Variants in OGFR observed in about 807,000 individuals in gnomAD.
OGFR encodes protein 7-60.
A neutral mutation model predicts 33.6 loss-of-function variants in OGFR; 18 were observed. The observed-to-expected ratio is 0.54, with a 90% CI of 0.37 to 0.80. The LOEUF (loss-of-function observed/expected upper bound fraction) is 0.80. OGFR is among the 30% of genes least tolerant of loss of function. The pLI, the probability that OGFR is intolerant of heterozygous loss-of-function variation, is 0.00. For synonymous variants in OGFR, 370 were observed against 400.7 expected (o/e 0.92, Z 0.91); for missense variants, 877 against 955.8 (o/e 0.92, Z 1.09).
chr20:62,805,152 C>T (rs952316179), intron 1 of OGFR, 122 bp downstream of exon 1: 19 of 711,716 alleles, frequency 2.7e-5, no homozygotes, highest in Middle Eastern at 4.6e-4. Flanking sequence ...CCCGCAGCCC[C>T]GGGGACCCCC....
intron 3 of OGFR, 78 bp from the exon 4 acceptor site, chr20:62,809,507 G>A: frequency 1.9e-6 from 2 of 1,070,660 alleles, no homozygotes; most frequent in Middle Eastern, 2.0e-4. Flanking sequence ...CTCTCCTTAT[G>A]TCCCCCACCC....
Position 62,813,726 on chromosome 20 carries a change from T to A in OGFR, c.*77T>A. On this transcript the variant is annotated 3_prime_UTR_variant, in exon 7 of 7. Coordinates refer to ENST00000290291, the MANE Select transcript of OGFR (RefSeq NM_007346.4). The stretch of plus-strand genomic sequence containing the variant: ...TGGGGCCTCCGGAGCTGCTGCGGGC[T>A]CCCCTCAGGCTCTGCTTCGTGACCC... The A allele has an allele frequency of 6.5e-7, 1 of 1,533,992 alleles. No individual in the cohort carries two copies. The highest frequency in any genetic ancestry group is 9.0e-7 in the Non-Finnish European group (1 of 1,112,122).
Position 62,808,125 on chromosome 20 carries a change from G to A in OGFR, c.241-122G>A, listed in dbSNP as rs141356430. 1,400 of 800,544 alleles carry A rather than the reference G, an allele frequency of 1.7e-3. 8 individuals are homozygous for A. The African/African-American group carries it at 0.02, about 11-fold the overall frequency. 49.6% of individuals were successfully genotyped at this position (800,544 alleles called of 1,614,324 possible). ...CCACCTGCAGAGTGAGGAGCCAGGC[G>A]GGCTCTTGGGGTATTGGGCCAGCCT... On this transcript the variant is annotated intron_variant, in intron 2 of 6. Coordinates refer to ENST00000290291, the MANE Select transcript of OGFR (RefSeq NM_007346.4).
Position 62,812,736 on chromosome 20 carries a change from C to T in OGFR, c.1121C>T (p.Pro374Leu), listed in dbSNP as rs374043529. ...DEAGGHGEDRPEPLSPKESKK... is the reference protein window; with the variant it reads ...DEAGGHGEDRLEPLSPKESKK... ...GCAGGGGGCCACGGGGAAGATAGGC[C>T]GGAGCCCTTAAGCCCCAAAGAGAGC... Residue 374 changes from proline to leucine, a missense_variant, in exon 7 of 7, where the codon CCG becomes CTG. Around this residue, in one of 3 missense-constraint regions of OGFR, gnomAD observed 760 missense variants for 736.0 expected, o/e 1.03. Transcript: ENST00000290291. 1.2e-4 allele frequency: 199 copies of T among 1,604,064 alleles called. No individual in the cohort carries two copies. Among genetic ancestry groups the T allele is most frequent in the Non-Finnish European group, 1.5e-4 (177 of 1,175,826 alleles).
intron 1 of OGFR, chr20:62,806,480 C>G (rs763445810): frequency 4.0e-5 from 6 of 150,980 alleles, no homozygotes; most frequent in Non-Finnish European, 5.9e-5. Flanking sequence ...GTGGAGGTTG[C>G]AGTGAGTGGA....
chr20:62,809,157 C>T (rs75568588), intron 3 of OGFR, among the ~76,000 whole-genome samples: 7,510 of 152,302 alleles, frequency 0.049, 275 homozygotes, highest in Middle Eastern at 0.14. Flanking sequence ...AGGCCCCCAT[C>T]TCAGGAGACT....
chr20:62,812,899 C>T lies in OGFR; in HGVS notation c.1284C>T (p.Thr428=). 1.2e-6 allele frequency: 2 copies of T among 1,612,466 alleles called. No homozygotes were observed. The highest frequency in any genetic ancestry group is 1.7e-6 in the Non-Finnish European group (2 of 1,179,884). ...GCCAGGGCAGCCTCAGGACGGGGAC[C>T]CAGGAAGTGGGCGGTCAGGACCCTG... ...ALSQGSLRTG[T]QEVGGQDPGE... is the part of the protein sequence containing the mutation. Residue 428 remains threonine, a synonymous_variant, in exon 7 of 7, where the codon ACC becomes ACT. Transcript: ENST00000290291.
Position 62,812,863 on chromosome 20 carries a change from G to T in OGFR, c.1248G>T (p.Gly416=). 1 of 1,612,714 alleles carries T rather than the reference G, an allele frequency of 6.2e-7. No homozygotes were observed. The highest frequency in any genetic ancestry group is 8.5e-7 in the Non-Finnish European group (1 of 1,179,942). The change falls in exon 7 of 7, where the codon GGG becomes GGT. Residue 416 remains glycine (G), a synonymous_variant. Transcript: ENST00000290291. The part of the protein sequence containing the change: ...EVEKIALNLE[G]CALSQGSLRT... The stretch of plus-strand genomic sequence containing the variant: ...AGAAGATCGCTCTGAATTTGGAGGG[G>T]TGTGCCCTCAGCCAGGGCAGCCTCA...
Position 62,813,592 on chromosome 20 carries a change from GGCA to G in OGFR, c.1982_1984del (p.Ala661del), listed in dbSNP as rs1990801661. On this transcript the variant is annotated inframe_deletion, in exon 7 of 7. Coordinates refer to ENST00000290291, the MANE Select transcript of OGFR (RefSeq NM_007346.4). Reference sequence around the variant, plus strand: ...GGGATGAGCCAGCCAAGGCGGGGGAGGCAGCAGAGTTGCAGGACGCAGAGGTGG... The same window carrying G: ...GGGATGAGCCAGCCAAGGCGGGGGAGGCAGAGTTGCAGGACGCAGAGGTGG... 6.2e-7 allele frequency: 1 copy of G among 1,612,800 alleles called. No individual in the cohort carries two copies. The highest frequency in any genetic ancestry group is 1.7e-5 in the Admixed American group (1 of 60,006).
chr20:62,811,654 CA>C (rs754692092), intron 6 of OGFR, 44 bp downstream of exon 6: 338 of 1,463,534 alleles, frequency 2.3e-4, no homozygotes, highest in Admixed American at 7.0e-4. Context: ...CGGCGCAGAA[CA>C]GGGCCACGTC....
chr20:62,804,985 C>CGAGGAGTCG lies in OGFR; in HGVS notation c.133_141dup (p.Ser45_Glu47dup). ...GGGACGCGGACGCAGGGGACGAGGA[C>CGAGGAGTCG]GAGGAGTCGGAGGAGCCGCGGGCGG... On this transcript the variant is annotated inframe_insertion, in exon 1 of 7. Coordinates refer to ENST00000290291, the MANE Select transcript of OGFR (RefSeq NM_007346.4). The CGAGGAGTCG allele has an allele frequency of 6.8e-7, 1 of 1,481,278 alleles. No individual in the cohort carries two copies. Among genetic ancestry groups the CGAGGAGTCG allele is most frequent in the Non-Finnish European group, 8.9e-7 (1 of 1,117,646 alleles). 91.8% of individuals were successfully genotyped at this position (1,481,278 alleles called of 1,614,324 possible). A position where few individuals can be genotyped will look rare whatever the true frequency, so the allele number is the denominator to read the frequency against.
chr20:62,809,050 T>C lies in OGFR; in HGVS notation c.320-535T>C, dbSNP rs142733215. On this transcript the variant is annotated intron_variant, in intron 3 of 6. Coordinates refer to ENST00000290291, the MANE Select transcript of OGFR (RefSeq NM_007346.4). Reference sequence around the variant, plus strand: ...ATATTATAAGAAATTAAAATTTCAGTGTCAATAAAGCTTCACGGGCACGTG... The same window carrying C: ...ATATTATAAGAAATTAAAATTTCAGCGTCAATAAAGCTTCACGGGCACGTG... 3.5e-3 allele frequency among the ~76,000 whole-genome samples: 519 copies of C among 149,574 alleles called. 1 individual carries two copies. The highest frequency in any genetic ancestry group is 0.012 in the African/African-American group (492 of 40,442).
In OGFR at chr20:62,808,269, A is replaced by G; in HGVS notation, c.263A>G (p.Asn88Ser). Reference protein sequence around the residue: ...NYPDLVERDCNGDTPNLSFYR... With the variant: ...NYPDLVERDCSGDTPNLSFYR... Reference sequence around the variant, plus strand: ...CAGGATCTGGTGGAACGAGACTGCAATGGGGACACGCCAAACCTGAGTTTC... The same window carrying G: ...CAGGATCTGGTGGAACGAGACTGCAGTGGGGACACGCCAAACCTGAGTTTC... The change falls in exon 3 of 7, where the codon AAT becomes AGT. Residue 88 changes from asparagine to serine, a missense_variant. Physicochemically the swap from Asn to Ser is conservative, Grantham distance 46 (BLOSUM62 1). This residue lies in a region of OGFR where 760 missense variants were observed against 736.0 expected (regional missense o/e 1.03). Coordinates refer to ENST00000290291, the MANE Select transcript of OGFR (RefSeq NM_007346.4). 1.2e-6 allele frequency: 2 copies of G among 1,613,416 alleles called. No individual in the cohort carries two copies. The highest frequency in any genetic ancestry group is 1.3e-5 in the African/African-American group (1 of 75,048).
At chr20:62,807,785 C>T (rs1990630536) in intron 2 of OGFR, 180 bp downstream of exon 2, 11 of 641,328 alleles carry the variant, frequency 1.7e-5, no homozygotes, top group South Asian at 3.9e-5. Flanking sequence ...CTTCCCCTCT[C>T]GCGGGAGACC....
rs1990813062 is a variant in OGFR, at chr20:62,813,921, G to GT, written c.*273dup. On this transcript the variant is annotated 3_prime_UTR_variant, in exon 7 of 7. Coordinates refer to ENST00000290291, the MANE Select transcript of OGFR (RefSeq NM_007346.4). ...GTCTTTGTAAATTGACCCTTCTGGA[G>GT]TGGGGGGCGGCGGGCAGGGCTGCTT... 1.8e-6 allele frequency: 1 copy of GT among 560,942 alleles called. No homozygotes were observed. Among genetic ancestry groups the GT allele is most frequent in the Non-Finnish European group, 3.2e-6 (1 of 316,188 alleles). The allele number at this position is 560,942 out of a possible 1,614,324, so 34.7% of individuals were successfully genotyped here. A position where few individuals can be genotyped will look rare whatever the true frequency, so the allele number is the denominator to read the frequency against.
chr20:62,812,599 G>T lies in OGFR; in HGVS notation c.984G>T (p.Arg328=). ...ACCACGAGGCCAGCACCCAGGGTCG[G>T]ACCTGTGGGCCAGAGCATAGCAAGG... is the stretch of plus-strand genomic sequence containing the variant. ...DPDHEASTQG[R]TCGPEHSKGG... The change falls in exon 7 of 7, where the codon CGG becomes CGT. Residue 328 remains arginine (R), a synonymous_variant. Transcript: ENST00000290291. 1 of 1,566,814 alleles carries T rather than the reference G, an allele frequency of 6.4e-7. No individual in the cohort carries two copies. Among genetic ancestry groups the T allele is most frequent in the Non-Finnish European group, 8.6e-7 (1 of 1,156,522 alleles).
At position 62,811,571 on chromosome 20, in the gene OGFR, G is replaced by A. The variant is rs1374053033; in HGVS notation, c.575G>A (p.Arg192Gln). ...GACCGAGGCACGGGCACGGTGGGCC[G>A]AGCACAGAACTACCAGAAGCGCTTC... ...LEDRGTGTVG[R>Q]AQNYQKRFQN... The change falls in exon 6 of 7, where the codon CGA becomes CAA. Residue 192 changes from arginine to glutamine, a missense_variant. Arg to Gln is a conservative substitution (Grantham distance 43, BLOSUM62 1). This residue lies in a region of OGFR where 760 missense variants were observed against 736.0 expected (regional missense o/e 1.03). Transcript: ENST00000290291. 1.2e-5 allele frequency: 20 copies of A among 1,601,976 alleles called. No homozygotes were observed. The highest frequency in any genetic ancestry group is 2.2e-5 in the South Asian group (2 of 89,098).
chr20:62,807,894 A>G, intron 2 of OGFR: 1 of 598,392 alleles, frequency 1.7e-6, no homozygotes, highest in Non-Finnish European at 3.0e-6. Flanking sequence ...GGTCCGTGAT[A>G]CCGCCCACAC....
chr20:62,805,088 G>A (rs1379578082), intron 1 of OGFR, 58 bp downstream of exon 1: 6 of 1,245,240 alleles, frequency 4.8e-6, no homozygotes, highest in Non-Finnish European at 6.1e-6. Flanking sequence ...GCCCGGCTGC[G>A]TGGACGGGAG....
Sources: allele counts gnomAD v4.1 joint callset (sites outside exome capture counted in the v4.1 genomes callset), GRCh38; gene constraint gnomAD v4.1.1; regional missense constraint gnomAD v4.1.1; transcripts MANE v1.5; gene names NCBI Gene and HGNC (gene_info 2026-07-23, HGNC 2026-07-21).